Variants in CDC42BPA observed in about 807,000 individuals in gnomAD.
The protein encoded by CDC42BPA is CDC42 binding protein kinase alpha, also known as serine/threonine-protein kinase MRCK alpha.
Under a neutral mutation model 223.5 loss-of-function variants are expected in CDC42BPA, and 80 were observed. The observed-to-expected ratio is 0.36, with a 90% CI of 0.30 to 0.43. The LOEUF is 0.43. Among genes scored for constraint, CDC42BPA ranks in the 20% least tolerant of loss-of-function variants. CDC42BPA has a pLI of 1.00. For missense variants in CDC42BPA, 1,743 were observed against 2,099.9 expected, an observed-to-expected ratio of 0.83 and a Z score of 3.32; for synonymous variants, 694 against 718.6, an observed-to-expected ratio of 0.97 and a Z score of 0.55.
chr1:227,245,284 CT>C (rs759666049), intron 2 of CDC42BPA, among the ~76,000 whole-genome samples: 889 of 81,778 alleles, frequency 0.011, 2 homozygotes, highest in African/African-American at 0.032. Context: ...TGTCTTGCAT[CT>C]TTTTTTTTTT....
intron 1 of CDC42BPA, among the ~76,000 whole-genome samples, chr1:227,286,955 C>T (rs1688909416): frequency 6.6e-6 from 1 of 152,092 alleles, no homozygotes; most frequent in Non-Finnish European, 1.5e-5. Flanking sequence ...ATTGGGAGAA[C>T]AAACACAGTG....
At chr1:227,296,809 G>GA (rs377133849) in intron 1 of CDC42BPA, among the ~76,000 whole-genome samples, 38 of 124,286 alleles carry the variant, frequency 3.1e-4, no homozygotes, top group East Asian at 6.9e-4. Flanking sequence ...AAAAGCACAA[G>GA]AAAAAAAAAA....
At chr1:227,068,701 C>A in intron 21 of CDC42BPA, 1 of 1,187,466 alleles carries the variant, frequency 8.4e-7, no homozygotes, top group East Asian at 7.8e-5. Context: ...GAAAAGGAAT[C>A]CTATTTAACG....
intron 2 of CDC42BPA, among the ~76,000 whole-genome samples, chr1:227,228,549 G>C (rs570597137): frequency 4.6e-5 from 7 of 152,116 alleles, no homozygotes; most frequent in African/African-American, 1.7e-4. Context: ...TACACATGTC[G>C]GAGTAGAATT....
chr1:227,150,873 A>G (rs1331074605), intron 6 of CDC42BPA, among the ~76,000 whole-genome samples: 5 of 151,632 alleles, frequency 3.3e-5, no homozygotes, highest in Admixed American at 1.3e-4. Flanking sequence ...AAAAAAGAAA[A>G]AAAAAAAGAA....
At chr1:227,287,389 C>T (rs563065291) in intron 1 of CDC42BPA, among the ~76,000 whole-genome samples, 2 of 152,264 alleles carry the variant, frequency 1.3e-5, no homozygotes, top group African/African-American at 4.8e-5. Context: ...TGAACTATTT[C>T]TGCAAATAAT....
At chr1:227,082,882 C>T (rs558150453) in intron 16 of CDC42BPA, among the ~76,000 whole-genome samples, 27 of 152,016 alleles carry the variant, frequency 1.8e-4, no homozygotes, top group South Asian at 1.5e-3. Context: ...TTCTGAATTC[C>T]GTTTTTAATT....
intron 11 of CDC42BPA, among the ~76,000 whole-genome samples, chr1:227,120,771 A>G (rs192349974): frequency 2.4e-4 from 37 of 152,284 alleles, no homozygotes; most frequent in Admixed American, 1.9e-3. Flanking sequence ...TCTGCTCTGG[A>G]TATTTTCTGT....
At chr1:227,188,235 A>G (rs1669151720) in intron 5 of CDC42BPA, among the ~76,000 whole-genome samples, 1 of 152,208 alleles carries the variant, frequency 6.6e-6, no homozygotes, top group Non-Finnish European at 1.5e-5. Flanking sequence ...TACAAGGGAC[A>G]AGAACAAGGA....
intron 27 of CDC42BPA, among the ~76,000 whole-genome samples, chr1:227,032,084 C>T (rs191569176): frequency 2.6e-5 from 4 of 152,274 alleles, no homozygotes; most frequent in African/African-American, 7.2e-5. Flanking sequence ...AATATATTCT[C>T]TGTTACTTCA....
At chr1:227,122,606 A>T (rs490517) in intron 11 of CDC42BPA, among the ~76,000 whole-genome samples, 43,144 of 152,122 alleles carry the variant, frequency 0.28, 6,337 homozygotes, top group African/African-American at 0.35. Flanking sequence ...ACTTTTCAAA[A>T]GTGAAAAAAG....
At chr1:227,081,995 C>T (rs1179089961) in intron 16 of CDC42BPA, among the ~76,000 whole-genome samples, 1 of 152,010 alleles carries the variant, frequency 6.6e-6, no homozygotes, top group African/African-American at 2.4e-5. Context: ...TAAACTGAAT[C>T]ATGATACCAA....
intron 35 of CDC42BPA, among the ~76,000 whole-genome samples, chr1:226,995,198 C>T (rs986812080): frequency 4.6e-5 from 7 of 152,156 alleles, no homozygotes; most frequent in Admixed American, 2.0e-4. Context: ...CGGGGACTCC[C>T]GGTGAGCGAG....
chr1:227,083,489 A>T (rs536876165), intron 16 of CDC42BPA, among the ~76,000 whole-genome samples: 1 of 152,266 alleles, frequency 6.6e-6, no homozygotes, highest in African/African-American at 2.4e-5. Flanking sequence ...AAAATTTCAT[A>T]CTGCGAACTC....
At chr1:227,314,667 C>G (rs116366530) in intron 1 of CDC42BPA, among the ~76,000 whole-genome samples, 5,682 of 151,930 alleles carry the variant, frequency 0.037, 120 homozygotes, top group Non-Finnish European at 0.055. Flanking sequence ...TAGCATCTAG[C>G]TGACACTTTC....
chr1:227,078,020 G>C (rs184812688), intron 17 of CDC42BPA, among the ~76,000 whole-genome samples: 10 of 152,170 alleles, frequency 6.6e-5, no homozygotes, highest in Admixed American at 4.6e-4. Flanking sequence ...CATTACCTTT[G>C]AAAAACCTTC....
intron 4 of CDC42BPA, among the ~76,000 whole-genome samples, chr1:227,196,666 A>G (rs1420375809): frequency 6.6e-6 from 1 of 152,220 alleles, no homozygotes; most frequent in African/African-American, 2.4e-5. Context: ...TAAAAAAATT[A>G]CTTTTCTAAT....
At chr1:227,134,000 A>AAATAAATAAATAAATAAAT (rs1439042894) in intron 10 of CDC42BPA, among the ~76,000 whole-genome samples, 2 of 44,474 alleles carry the variant, frequency 4.5e-5, no homozygotes, top group Non-Finnish European at 1.3e-4. Flanking sequence ...AATAAATAAA[A>AAATAAATAAATAAATAAAT]AAGAAATTCA....
intron 17 of CDC42BPA, among the ~76,000 whole-genome samples, chr1:227,078,883 G>C (rs1202040800): frequency 6.6e-6 from 1 of 152,110 alleles, no homozygotes; most frequent in Non-Finnish European, 1.5e-5. Context: ...GGAACTTTTT[G>C]AGTACTGACA....
Sources: gnomAD v4.1 joint callset for allele counts (sites outside exome capture counted in the v4.1 genomes callset) on GRCh38, gnomAD v4.1.1 for gene constraint, MANE v1.5 for transcripts, NCBI Gene and HGNC (gene_info 2026-07-23, HGNC 2026-07-21) for gene names.